The following RBFOX3 variants were observed in gnomAD, a reference collection of about 807,000 sequenced individuals.
RBFOX3 encodes RNA binding protein fox-1 homolog 3.
Under a neutral mutation model 48.7 loss-of-function variants are expected in RBFOX3, and 17 were observed. That is an observed-to-expected ratio of 0.35 (90% CI 0.24 to 0.52). The LOEUF (loss-of-function observed/expected upper bound fraction) is 0.52. Ranked by LOEUF, RBFOX3 falls within the 20% of genes least tolerant of loss-of-function variation. The pLI, the probability that RBFOX3 is intolerant of heterozygous loss-of-function variation, is 0.94. For synonymous variants in RBFOX3, 212 were observed against 209.5 expected (o/e 1.01, Z -0.10); for missense variants, 382 against 497.5 (o/e 0.77, Z 2.21).
intron 1 of RBFOX3, among the ~76,000 whole-genome samples, chr17:79,544,603 C>T (rs1223347452): frequency 6.6e-6 from 1 of 152,018 alleles, no homozygotes; most frequent in Non-Finnish European, 1.5e-5. Flanking sequence ...AACCCTGACA[C>T]CTGCCATCCA....
intron 1 of RBFOX3, chr17:79,599,878 G>GA (rs2093664368): frequency 6.6e-6 from 1 of 152,240 alleles, no homozygotes; most frequent in Non-Finnish European, 1.5e-5. Flanking sequence ...GGCAGGGGGG[G>GA]CCCAGGAAAT....
In RBFOX3 at chr17:79,473,436, G is replaced by A. The variant is rs1297852719; in HGVS notation, c.-175+9018C>T. On this transcript the variant is annotated intron_variant, in intron 2 of 14. Coordinates refer to ENST00000693108, the MANE Select transcript of RBFOX3 (RefSeq NM_001350451.2). This position sits in a 1 kb window ranked among gnomAD's most constrained non-coding sequence, Gnocchi z 4.2. Reference sequence around the variant, plus strand: ...ATATATATTTTGGGACGAGAACCTCGGGTAAGATAACCTGCTCACATGTGT... The same window carrying A: ...ATATATATTTTGGGACGAGAACCTCAGGTAAGATAACCTGCTCACATGTGT... Among the ~76,000 whole-genome samples, 13 of 152,322 alleles carry A rather than the reference G, an allele frequency of 8.5e-5. No homozygotes were observed. The highest frequency in any genetic ancestry group is 1.9e-4 in the East Asian group (1 of 5,186).
chr17:79,542,408 A>T (rs1555790617), intron 1 of RBFOX3, among the ~76,000 whole-genome samples: 1 of 152,204 alleles, frequency 6.6e-6, no homozygotes, highest in Non-Finnish European at 1.5e-5. Flanking sequence ...GAAATCAGGA[A>T]GAGATTAGGA....
intron 2 of RBFOX3, among the ~76,000 whole-genome samples, chr17:79,374,133 G>A (rs1265518002): frequency 1.3e-5 from 2 of 152,224 alleles, no homozygotes; most frequent in African/African-American, 2.4e-5. Context: ...AAAGTGCGGC[G>A]ATTACAGGCG....
intron 2 of RBFOX3, among the ~76,000 whole-genome samples, chr17:79,330,629 C>T (rs949235546): frequency 1.3e-5 from 2 of 152,134 alleles, no homozygotes; most frequent in Non-Finnish European, 2.9e-5. Flanking sequence ...CTCCCACACC[C>T]CTGACTCTCA....
intron 2 of RBFOX3, among the ~76,000 whole-genome samples, chr17:79,474,047 T>C (rs1282644293): frequency 1.3e-5 from 2 of 151,280 alleles, no homozygotes; most frequent in African/African-American, 4.9e-5. Context: ...TCTATACAAA[T>C]CCTCACTCGT....
Position 79,103,387 on chromosome 17 carries a change from G to T in RBFOX3, c.415-133C>A. 1.5e-6 allele frequency: 1 copy of T among 680,040 alleles called. No individual in the cohort carries two copies. The highest frequency in any genetic ancestry group is 2.2e-5 in the Admixed American group (1 of 46,058). The allele number at this position is 680,040 out of a possible 1,614,324, so 42.1% of individuals were successfully genotyped here. On this transcript the variant is annotated intron_variant, in intron 7 of 14. Coordinates refer to ENST00000693108, the MANE Select transcript of RBFOX3 (RefSeq NM_001350451.2). The surrounding 1 kb of genome is among the most constrained non-coding windows in gnomAD (Gnocchi z 6.1). ...AGAGAGAGAGAAGGGGTTGAGTCAG[G>T]TGAGTTGAGGCAGAGACGCAGGCAG...
chr17:79,600,367 A>G (rs1316179336), intron 1 of RBFOX3: 3 of 151,834 alleles, frequency 2.0e-5, no homozygotes, highest in African/African-American at 4.8e-5. Flanking sequence ...TGCATGTACA[A>G]TCTACACGTG....
At chr17:79,262,299 C>T (rs1219970773) in intron 3 of RBFOX3, among the ~76,000 whole-genome samples, 1 of 152,198 alleles carries the variant, frequency 6.6e-6, no homozygotes, top group African/African-American at 2.4e-5. Flanking sequence ...CCATGGGGGG[C>T]CCCGGACAGG....
Position 79,339,826 on chromosome 17 carries a change from G to A in RBFOX3, c.-174-32002C>T, listed in dbSNP as rs555257020. Reference sequence around the variant, plus strand: ...TCAGAATTTTTTTTGGCATAAAACAGGACTGGATTGAACAGGTGTGCAGTT... The same window carrying A: ...TCAGAATTTTTTTTGGCATAAAACAAGACTGGATTGAACAGGTGTGCAGTT... On this transcript the variant is annotated intron_variant, in intron 2 of 14. Coordinates refer to ENST00000693108, the MANE Select transcript of RBFOX3 (RefSeq NM_001350451.2). Among the ~76,000 whole-genome samples the A allele has an allele frequency of 1.7e-4, 26 of 152,296 alleles. 1 individual carries two copies. Among genetic ancestry groups the A allele is most frequent in the African/African-American group, 5.8e-4 (24 of 41,568 alleles).
rs993047188 is a variant in RBFOX3 at position 79,443,451 on chromosome 17, G to A, written c.-175+39003C>T. On this transcript the variant is annotated intron_variant, in intron 2 of 14. Transcript: ENST00000693108. The surrounding 1 kb of genome is among the most constrained non-coding windows in gnomAD (Gnocchi z 4.4). ...GGCTGGAGTGCAGTGGCTCGATCTC[G>A]GCTCGCTGCAACCTCTGCCTCCCAG... 7.9e-5 allele frequency among the ~76,000 whole-genome samples: 12 copies of A among 151,678 alleles called. No individual in the cohort carries two copies. The highest frequency in any genetic ancestry group is 2.1e-4 in the South Asian group (1 of 4,794).
intron 3 of RBFOX3, among the ~76,000 whole-genome samples, chr17:79,274,703 G>A (rs557438345): frequency 5.3e-5 from 8 of 152,094 alleles, no homozygotes; most frequent in Admixed American, 1.3e-4. Flanking sequence ...TCTCCACCTG[G>A]CTCACTCCCC....
Position 79,538,714 on chromosome 17 carries a change from T to C in RBFOX3, c.-319-56116A>G, listed in dbSNP as rs180830576. The stretch of plus-strand genomic sequence containing the variant: ...GAGATCGGCAGGAAACAGGTGCCCA[T>C]GTGGGGGCTGGATGTCTGTTATTCC... On this transcript the variant is annotated intron_variant, in intron 1 of 14. Transcript: ENST00000693108. Among the ~76,000 whole-genome samples, 24 of 152,260 alleles carry C rather than the reference T, an allele frequency of 1.6e-4. No individual in the cohort carries two copies. The East Asian group carries it at 4.2e-3, about 27-fold the overall frequency.
At chr17:79,505,360 G>A (rs1400866177) in intron 1 of RBFOX3, among the ~76,000 whole-genome samples, 1 of 152,118 alleles carries the variant, frequency 6.6e-6, no homozygotes, top group Non-Finnish European at 1.5e-5. Flanking sequence ...ACAGAGGTGG[G>A]TGTATAAATA....
chr17:79,509,419 G>A lies in RBFOX3; in HGVS notation c.-319-26821C>T, dbSNP rs2083743330. 2.6e-5 allele frequency among the ~76,000 whole-genome samples: 4 copies of A among 152,090 alleles called. No homozygotes were observed. In the South Asian group the frequency reaches 8.3e-4, roughly 32 times the overall value. On this transcript the variant is annotated intron_variant, in intron 1 of 14. Coordinates refer to ENST00000693108, the MANE Select transcript of RBFOX3 (RefSeq NM_001350451.2). ...AGGGGCCCAGGCTCCCACTCTGCGG[G>A]TATATTTGTTCACTGTGACCTCACC...
rs147920742 is a variant in RBFOX3, at chr17:79,204,313, G to T, written c.-34+31453C>A. On this transcript the variant is annotated intron_variant, in intron 4 of 14. Transcript: ENST00000693108. This position sits in a 1 kb window ranked among gnomAD's most constrained non-coding sequence, Gnocchi z 4.5. ...CACACACCAGCGGGCGCCGGGGAGCGGGTACACACCAGCGGGTGCCGGGGA... is the reference window on the plus strand; with the variant it reads ...CACACACCAGCGGGCGCCGGGGAGCTGGTACACACCAGCGGGTGCCGGGGA... Among the ~76,000 whole-genome samples, 249 of 152,144 alleles carry T rather than the reference G, an allele frequency of 1.6e-3. 2 individuals carry two copies. Among genetic ancestry groups the T allele is most frequent in the African/African-American group, 5.9e-3 (243 of 41,494 alleles).
At chr17:79,174,096 G>A (rs909401452) in intron 4 of RBFOX3, among the ~76,000 whole-genome samples, 1 of 152,050 alleles carries the variant, frequency 6.6e-6, no homozygotes, top group Non-Finnish European at 1.5e-5. Context: ...GTCCCAAATG[G>A]GGAGAACAGG....
chr17:79,621,618 G>A, the RBFOX3 span, among the ~76,000 whole-genome samples: 1 of 152,192 alleles, frequency 6.6e-6, no homozygotes, highest in African/African-American at 2.4e-5. Context: ...ATGACTGTCG[G>A]GTCAATGTCA....
At chr17:79,442,888 C>T (rs1191077567) in intron 2 of RBFOX3, among the ~76,000 whole-genome samples, 2 of 152,182 alleles carry the variant, frequency 1.3e-5, no homozygotes, top group Non-Finnish European at 2.9e-5. Context: ...GTGCATGATT[C>T]CACTCCTTGC....
Sources: allele counts gnomAD v4.1 joint callset (sites outside exome capture counted in the v4.1 genomes callset), GRCh38; gene constraint gnomAD v4.1.1; non-coding constraint Gnocchi (gnomAD v3.1); transcripts MANE v1.5; gene names NCBI Gene and HGNC (gene_info 2026-07-23, HGNC 2026-07-21).